The following IMMT variants were observed in gnomAD, a reference collection of about 807,000 sequenced individuals.
IMMT encodes the protein MICOS complex subunit MIC60.
Under a neutral mutation model 92.7 loss-of-function variants are expected in IMMT, and 40 were observed. The ratio of observed to expected loss-of-function variants is 0.43; its 90% CI spans 0.34 to 0.56. The LOEUF (loss-of-function observed/expected upper bound fraction) is 0.56, where lower values mean the gene tolerates loss of function less well. Ranked by LOEUF, IMMT falls within the 20% of genes least tolerant of loss-of-function variation. The pLI, the probability that IMMT is intolerant of heterozygous loss-of-function variation, is 0.03. For missense variants in IMMT, 831 were observed against 912.1 expected, an observed-to-expected ratio of 0.91 and a Z score of 1.14; for synonymous variants, 322 against 336.1, an observed-to-expected ratio of 0.96 and a Z score of 0.46.
At chr2:86,152,445 A>AAAAAAAC (rs1675528248) in intron 11 of IMMT, among the ~76,000 whole-genome samples, 1 of 150,882 alleles carries the variant, frequency 6.6e-6, no homozygotes, top group Admixed American at 6.6e-5. Flanking sequence ...CATCTCAAAA[A>AAAAAAAC]AAAAAAAAAA....
At chr2:86,146,722 A>G (rs1675045270) in intron 13 of IMMT, among the ~76,000 whole-genome samples, 1 of 152,046 alleles carries the variant, frequency 6.6e-6, no homozygotes, top group Non-Finnish European at 1.5e-5. Flanking sequence ...AGGCATACCA[A>G]GAGAAGAGAG....
At chr2:86,158,524 A>G in intron 10 of IMMT, 68 bp downstream of exon 10, 1 of 1,352,736 alleles carries the variant, frequency 7.4e-7, no homozygotes, top group Non-Finnish European at 1.0e-6. Flanking sequence ...ATGGAGATGA[A>G]GCAAGTTTAG....
chr2:86,158,622 G>T lies in IMMT; in HGVS notation c.1132C>A (p.Pro378Thr). 6.2e-7 allele frequency: 1 copy of T among 1,606,846 alleles called. No individual in the cohort carries two copies. Among genetic ancestry groups the T allele is most frequent in the South Asian group, 1.1e-5 (1 of 89,492 alleles). ...DFKRELDSITPEVLPGWKGMS... is the reference protein window; with the variant it reads ...DFKRELDSITTEVLPGWKGMS... ...CCTTTCCACCCAGGAAGGACTTCTG[G>T]AGTAATACTGTCCAGCTCTCGTTTA... The change falls in exon 10 of 15, where the codon CCA (proline) becomes ACA (threonine). Residue 378 changes from proline to threonine, a missense_variant. Physicochemically the swap from Pro to Thr is conservative, Grantham distance 38 (BLOSUM62 -1). Coordinates refer to ENST00000410111, the MANE Select transcript of IMMT (RefSeq NM_006839.3).
intron 11 of IMMT, among the ~76,000 whole-genome samples, chr2:86,152,974 A>C (rs1675586153): frequency 6.6e-6 from 1 of 152,208 alleles, no homozygotes; most frequent in South Asian, 2.1e-4. Flanking sequence ...TTATCGATTC[A>C]AATAAAAACT....
intron 6 of IMMT, among the ~76,000 whole-genome samples, chr2:86,170,299 G>T (rs1454605073): frequency 6.6e-6 from 1 of 152,096 alleles, no homozygotes; most frequent in Non-Finnish European, 1.5e-5. Flanking sequence ...CACGCCTGTA[G>T]TCCCAGCTAC....
At chr2:86,176,667 AG>A (rs1360929730) in intron 3 of IMMT, among the ~76,000 whole-genome samples, 10 of 152,216 alleles carry the variant, frequency 6.6e-5, no homozygotes, top group Non-Finnish European at 1.5e-4. Context: ...GAGGTGGTTT[AG>A]TACAAACATG....
At chr2:86,172,237 TG>T (rs1046523041) in intron 4 of IMMT, among the ~76,000 whole-genome samples, 31 of 152,056 alleles carry the variant, frequency 2.0e-4, no homozygotes, top group African/African-American at 7.2e-4. Context: ...CCCAAAGTGC[TG>T]GGATTACAGG....
At chr2:86,191,256 G>T (rs542003049) in intron 1 of IMMT, among the ~76,000 whole-genome samples, 6 of 150,496 alleles carry the variant, frequency 4.0e-5, no homozygotes, top group South Asian at 4.2e-4. Flanking sequence ...GAGGTGGGAG[G>T]ATGGCTTGAG....
chr2:86,166,761 CAA>C, intron 6 of IMMT, 117 bp from the exon 7 acceptor site: 1 of 986,098 alleles, frequency 1.0e-6, no homozygotes, highest in African/African-American at 1.6e-5. Flanking sequence ...TAAAAAGGAA[CAA>C]AATACATGAG....
At chr2:86,190,272 A>C (rs1673038230) in intron 1 of IMMT, among the ~76,000 whole-genome samples, 2 of 152,242 alleles carry the variant, frequency 1.3e-5, no homozygotes, top group South Asian at 4.1e-4. Flanking sequence ...TAATCCTAAC[A>C]GAAAGAAGGA....
intron 10 of IMMT, among the ~76,000 whole-genome samples, chr2:86,156,748 C>T (rs73946315): frequency 0.012 from 1,838 of 152,154 alleles, 45 homozygotes; most frequent in African/African-American, 0.041. Flanking sequence ...GGTTGATGCT[C>T]GTATCTAACT....
rs1205082907 is a variant in IMMT at position 86,143,975 on chromosome 2, A to G, written c.*293T>C. 13 of 459,102 alleles carry G rather than the reference A, an allele frequency of 2.8e-5. No individual in the cohort carries two copies. In the East Asian group the frequency reaches 5.1e-4, roughly 18 times the overall value. The allele number at this position is 459,102 out of a possible 1,614,324, so 28.4% of individuals were successfully genotyped here. A position where few individuals can be genotyped will look rare whatever the true frequency, so the allele number is the denominator to read the frequency against. On this transcript the variant is annotated 3_prime_UTR_variant, in exon 15 of 15. Coordinates refer to ENST00000410111, the MANE Select transcript of IMMT (RefSeq NM_006839.3). ...CTTTATTCAGTTTGCTCCGAGGGCAAAATCAACAGTAGTAGAGATCACAAA... is the reference window on the plus strand; with the variant it reads ...CTTTATTCAGTTTGCTCCGAGGGCAGAATCAACAGTAGTAGAGATCACAAA...
chr2:86,193,713 C>G (rs1311923259), intron 1 of IMMT, among the ~76,000 whole-genome samples: 1 of 152,146 alleles, frequency 6.6e-6, no homozygotes. Flanking sequence ...GCAGCAATGT[C>G]AAATGCTACA....
intron 8 of IMMT, 186 bp from the exon 9 acceptor site, chr2:86,159,857 C>G (rs1171062342): frequency 2.5e-6 from 1 of 393,418 alleles, no homozygotes; most frequent in Admixed American, 4.4e-5. Flanking sequence ...AGTTCAAGAC[C>G]AGCCTGGACA....
chr2:86,146,490 C>T (rs1675025070), intron 13 of IMMT, among the ~76,000 whole-genome samples: 1 of 151,750 alleles, frequency 6.6e-6, no homozygotes, highest in African/African-American at 2.4e-5. Context: ...CCTGCCTCAG[C>T]CTCCCAAGTA....
intron 2 of IMMT, among the ~76,000 whole-genome samples, chr2:86,180,064 C>A (rs1370279046): frequency 1.3e-5 from 2 of 151,836 alleles, no homozygotes; most frequent in Non-Finnish European, 2.9e-5. Context: ...AGCAACAGAA[C>A]AAGACCTTGT....
At chr2:86,193,360 C>T (rs1244219275) in intron 1 of IMMT, among the ~76,000 whole-genome samples, 1 of 149,430 alleles carries the variant, frequency 6.7e-6, no homozygotes, top group Non-Finnish European at 1.5e-5. Context: ...TGAGCCATGA[C>T]TGTGCCACTG....
intron 1 of IMMT, among the ~76,000 whole-genome samples, chr2:86,191,367 G>T: frequency 6.9e-6 from 1 of 143,922 alleles, no homozygotes; most frequent in African/African-American, 2.6e-5. Context: ...AAAAAAATTT[G>T]CCCTATAACA....
intron 1 of IMMT, among the ~76,000 whole-genome samples, chr2:86,187,253 T>C (rs1250192230): frequency 6.6e-6 from 1 of 152,216 alleles, no homozygotes; most frequent in Admixed American, 6.5e-5. Flanking sequence ...ATGTACTTTC[T>C]GTTTCTATGA....
Sources: gnomAD v4.1 joint callset for allele counts (sites outside exome capture counted in the v4.1 genomes callset) on GRCh38, gnomAD v4.1.1 for gene constraint, MANE v1.5 for transcripts, NCBI Gene and HGNC (gene_info 2026-07-23, HGNC 2026-07-21) for gene names.